Variants in TSNAX observed in about 807,000 individuals in gnomAD.
The protein encoded by TSNAX is translin-associated protein X.
TSNAX carries 12 observed loss-of-function variants against 33.0 expected under a neutral mutation model. The observed-to-expected ratio is 0.36, with a 90% CI of 0.23 to 0.59. The LOEUF (loss-of-function observed/expected upper bound fraction) is 0.59, where lower values mean the gene tolerates loss of function less well. TSNAX is among the 20% of genes least tolerant of loss of function. The pLI, the probability that TSNAX is intolerant of heterozygous loss-of-function variation, is 0.74. For synonymous variants in TSNAX, 110 were observed against 117.2 expected, an observed-to-expected ratio of 0.94 and a Z score of 0.40; for missense variants, 267 against 341.3, an observed-to-expected ratio of 0.78 and a Z score of 1.72.
At chr1:231,530,144 C>T (rs943994814) in intron 2 of TSNAX, among the ~76,000 whole-genome samples, 1 of 152,168 alleles carries the variant, frequency 6.6e-6, no homozygotes, top group Non-Finnish European at 1.5e-5. Context: ...TGCAAGAGAG[C>T]AAGGAGGAAA....
intron 4 of TSNAX, among the ~76,000 whole-genome samples, chr1:231,559,624 C>T (rs985262137): frequency 5.3e-5 from 8 of 152,046 alleles, no homozygotes; most frequent in African/African-American, 1.4e-4. Context: ...CACCGGCGCC[C>T]GGCCAGAAAG....
Position 231,560,417 on chromosome 1 carries a change from C to A in TSNAX, c.368-711C>A, listed in dbSNP as rs12047784. Among the ~76,000 whole-genome samples the A allele has an allele frequency of 0.025, 2,291 of 90,250 alleles. 223 individuals carry two copies. In the East Asian group the frequency reaches 0.27, roughly 11 times the overall value. The allele number at this position is 90,250 out of a possible 152,430, so 59.2% of individuals were successfully genotyped here. A position where few individuals can be genotyped will look rare whatever the true frequency, so the allele number is the denominator to read the frequency against. On this transcript the variant is annotated intron_variant, in intron 4 of 5. Transcript: ENST00000366639. Reference sequence around the variant, plus strand: ...AGGCTTTTCTTTTCTCCCCCCCCCCCCTTTTTTTTTTTTTGAGACGAAGTC... The same window carrying A: ...AGGCTTTTCTTTTCTCCCCCCCCCCACTTTTTTTTTTTTTGAGACGAAGTC...
chr1:231,557,482 CCAAG>C (rs1243982765), intron 4 of TSNAX, among the ~76,000 whole-genome samples: 4 of 151,894 alleles, frequency 2.6e-5, no homozygotes, highest in African/African-American at 9.7e-5. Flanking sequence ...AGAGATGTAC[CCAAG>C]CTAGATTGAA....
At chr1:231,557,637 T>A (rs1209014216) in intron 4 of TSNAX, among the ~76,000 whole-genome samples, 9 of 152,142 alleles carry the variant, frequency 5.9e-5, no homozygotes, top group African/African-American at 2.2e-4. Context: ...CAGATCTGAG[T>A]GTGTTTCAGT....
rs375003403 is a variant in TSNAX, at chr1:231,542,544, G to A, written c.300G>A (p.Lys100=). 3 of 1,613,916 alleles carry A rather than the reference G, an allele frequency of 1.9e-6. No homozygotes were observed. The African/African-American group carries it at 4.0e-5, about 22-fold the overall frequency. ...TTAAATTGGATGGTGTCAGACAAAAGATATTCCAGGTAGCCCAAGAGCTAT... is the reference window on the plus strand; with the variant it reads ...TTAAATTGGATGGTGTCAGACAAAAAATATTCCAGGTAGCCCAAGAGCTAT... ...SEIKLDGVRQ[K]IFQVAQELSG... is the part of the protein sequence containing the mutation. The change falls in exon 4 of 6, where the codon AAG becomes AAA. Residue 100 remains lysine, a synonymous_variant. Transcript: ENST00000366639.
chr1:231,547,124 A>C (rs1659967129), intron 4 of TSNAX, among the ~76,000 whole-genome samples: 1 of 152,174 alleles, frequency 6.6e-6, no homozygotes, highest in South Asian at 2.1e-4. Flanking sequence ...CTGTTGATTG[A>C]TTTAACATTT....
At chr1:231,531,272 C>CT (rs1442727512) in intron 2 of TSNAX, among the ~76,000 whole-genome samples, 5 of 152,106 alleles carry the variant, frequency 3.3e-5, no homozygotes, top group African/African-American at 1.2e-4. Flanking sequence ...CTACAATTTT[C>CT]TTTAAGACCT....
chr1:231,538,776 CA>C (rs1309273283), intron 3 of TSNAX, among the ~76,000 whole-genome samples: 1 of 151,918 alleles, frequency 6.6e-6, no homozygotes, highest in African/African-American at 2.4e-5. Context: ...ACAAAAAATA[CA>C]AAAAACTAGC....
chr1:231,564,500 T>TG (rs1558141061), intron 5 of TSNAX, 28 bp from the exon 6 acceptor site: 20 of 1,583,906 alleles, frequency 1.3e-5, no homozygotes, highest in Admixed American at 1.7e-5. Flanking sequence ...TGTGTGTGTG[T>TG]TTTTGTTTTG....
chr1:231,530,311 A>G (rs1351736372), intron 2 of TSNAX, among the ~76,000 whole-genome samples: 1 of 152,180 alleles, frequency 6.6e-6, no homozygotes, highest in African/African-American at 2.4e-5. Context: ...TTATTTGTGG[A>G]TATATTTGAA....
chr1:231,560,471 A>G (rs1289846344), intron 4 of TSNAX, among the ~76,000 whole-genome samples: 6 of 104,222 alleles, frequency 5.8e-5, no homozygotes, highest in East Asian at 3.3e-4. Flanking sequence ...CTGGAGTGCA[A>G]TGGTGCGGTC....
At chr1:231,551,259 ATT>A (rs1178796626) in intron 4 of TSNAX, among the ~76,000 whole-genome samples, 1 of 152,176 alleles carries the variant, frequency 6.6e-6, no homozygotes, top group African/African-American at 2.4e-5. Context: ...AGATCCCCAG[ATT>A]GGTCTTAACT....
At chr1:231,552,127 C>T (rs528063047) in intron 4 of TSNAX, among the ~76,000 whole-genome samples, 3 of 152,244 alleles carry the variant, frequency 2.0e-5, no homozygotes, top group Non-Finnish European at 2.9e-5. Flanking sequence ...GAAACCCCGT[C>T]TACAAAAGTT....
At position 231,537,261 on chromosome 1, in the gene TSNAX, T is replaced by G. The variant is rs1240407829; in HGVS notation, c.170T>G (p.Val57Gly). Residue 57 changes from valine to glycine, a missense_variant, in exon 3 of 6, where the codon GTG becomes GGG. Transcript: ENST00000366639. ...AGGCATGACAAATATGAGAGACTTG[T>G]GAAACTTAGTCGGGATATAACTGTT... is the stretch of plus-strand genomic sequence containing the variant. ...DARHDKYERL[V>G]KLSRDITVES... is the part of the protein sequence containing the mutation. 1 of 1,613,784 alleles carries G rather than the reference T, an allele frequency of 6.2e-7. No individual in the cohort carries two copies. Among genetic ancestry groups the G allele is most frequent in the African/African-American group, 1.3e-5 (1 of 75,016 alleles).
rs111978810 is a variant in TSNAX, at chr1:231,557,415, A to G, written c.368-3713A>G. On this transcript the variant is annotated intron_variant, in intron 4 of 5. Coordinates refer to ENST00000366639, the MANE Select transcript of TSNAX (RefSeq NM_005999.3). ...TGAATGCTGCCGAGATGAAGACGGAAAGAATGTCCATTAGTCTTATTTATT... is the reference window on the plus strand; with the variant it reads ...TGAATGCTGCCGAGATGAAGACGGAGAGAATGTCCATTAGTCTTATTTATT... 2.6e-3 allele frequency among the ~76,000 whole-genome samples: 401 copies of G among 152,302 alleles called. 2 individuals carry two copies. Among genetic ancestry groups the G allele is most frequent in the African/African-American group, 9.2e-3 (382 of 41,556 alleles).
At chr1:231,546,609 T>C (rs1165286369) in intron 4 of TSNAX, among the ~76,000 whole-genome samples, 1 of 152,222 alleles carries the variant, frequency 6.6e-6, no homozygotes, top group African/African-American at 2.4e-5. Context: ...ATGAGTGAGA[T>C]TAAGAGAGAA....
At chr1:231,533,171 A>G (rs562219872) in intron 2 of TSNAX, among the ~76,000 whole-genome samples, 6 of 145,292 alleles carry the variant, frequency 4.1e-5, no homozygotes, top group Non-Finnish European at 8.8e-5. Flanking sequence ...GGTTCAAGCA[A>G]TTCTCCTGCC....
intron 3 of TSNAX, among the ~76,000 whole-genome samples, chr1:231,540,190 A>AC (rs1659480863): frequency 7.3e-6 from 1 of 137,398 alleles, no homozygotes; most frequent in Non-Finnish European, 1.6e-5. Flanking sequence ...AAAAAAAAAA[A>AC]AAAAAAAACT....
intron 4 of TSNAX, among the ~76,000 whole-genome samples, chr1:231,545,222 G>A (rs1659826331): frequency 6.6e-6 from 1 of 152,198 alleles, no homozygotes; most frequent in African/African-American, 2.4e-5. Context: ...CTTGCTGCTT[G>A]TAATTGTTAA....
Sources: gnomAD v4.1 joint callset for allele counts (sites outside exome capture counted in the v4.1 genomes callset) on GRCh38, gnomAD v4.1.1 for gene constraint, MANE v1.5 for transcripts, NCBI Gene and HGNC (gene_info 2026-07-23, HGNC 2026-07-21) for gene names.